The following NCBP2L variants were observed in gnomAD, a reference collection of about 807,000 sequenced individuals.
The protein encoded by NCBP2L is nuclear cap-binding protein subunit 2-like.
For synonymous variants in NCBP2L, 39 were observed against 19.2 expected (o/e 2.04, Z -2.70); for missense variants, 95 against 53.1 (o/e 1.79, Z -2.45).
chrX:107,785,994 G>A (rs1391290686), intron 1 of NCBP2L, among the ~76,000 whole-genome samples: 1 of 111,276 alleles, frequency 9.0e-6, no homozygotes, highest in Non-Finnish European at 1.9e-5. Flanking sequence ...AAAATGGTTT[G>A]TGTTGTCATT....
chrX:107,782,356 T>TATATATAA (rs1930333493), intron 1 of NCBP2L, among the ~76,000 whole-genome samples: 5 of 40,393 alleles, frequency 1.2e-4, no homozygotes, highest in Non-Finnish European at 1.4e-4. Context: ...TATATAAATA[T>TATATATAA]ATATATATAT....
intron 1 of NCBP2L, among the ~76,000 whole-genome samples, chrX:107,780,269 C>T (rs1457124281): frequency 4.5e-5 from 5 of 111,292 alleles, no homozygotes; most frequent in South Asian, 7.6e-4. Flanking sequence ...CACCTGAGCC[C>T]GGGTAGGTTG....
chrX:107,789,943 T>G (rs754779845), intron 1 of NCBP2L, among the ~76,000 whole-genome samples: 3 of 111,123 alleles, frequency 2.7e-5, no homozygotes, highest in African/African-American at 9.8e-5. Flanking sequence ...CACAGACCTC[T>G]CTTGAGAGCT....
intron 1 of NCBP2L, among the ~76,000 whole-genome samples, chrX:107,781,692 C>CTCTCTATA (rs1395038482): frequency 5.7e-4 from 38 of 66,912 alleles, no homozygotes; most frequent in African/African-American, 3.0e-3. Flanking sequence ...CTCTCTCTCT[C>CTCTCTATA]TATATATATA....
chrX:107,782,457 T>C (rs1318859949), intron 1 of NCBP2L, among the ~76,000 whole-genome samples: 1 of 89,842 alleles, frequency 1.1e-5, no homozygotes, highest in Non-Finnish European at 2.1e-5. Flanking sequence ...TATCTTTGTG[T>C]GTGTGTGCGT....
Position 107,795,539 on chromosome X carries a change from A to G in NCBP2L, c.*857A>G, listed in dbSNP as rs1002610575. 9 of 112,302 alleles carry G rather than the reference A, an allele frequency of 8.0e-5. No individual in the cohort carries two copies. The Admixed American group carries it at 8.5e-4, about 11-fold the overall frequency. 9.3% of individuals were successfully genotyped at this position (112,302 alleles called of 1,213,427 possible). The stretch of plus-strand genomic sequence containing the variant: ...TTTCGTTTTTGACTTTCAGTATAGT[A>G]TTCAACAAATTGCATGAGATACTTA... On this transcript the variant is annotated 3_prime_UTR_variant, in exon 2 of 2. Transcript: ENST00000509000.
intron 1 of NCBP2L, among the ~76,000 whole-genome samples, chrX:107,790,625 A>G (rs1401051703): frequency 9.0e-6 from 1 of 111,388 alleles, no homozygotes; most frequent in Non-Finnish European, 1.9e-5. Context: ...CTCTGCCTAG[A>G]ATGACCCCTT....
At chrX:107,791,085 C>G (rs749349933) in intron 1 of NCBP2L, among the ~76,000 whole-genome samples, 1 of 111,886 alleles carries the variant, frequency 8.9e-6, no homozygotes, top group East Asian at 2.8e-4. Flanking sequence ...ACATAGTGCT[C>G]TATAAATGTT....
intron 1 of NCBP2L, among the ~76,000 whole-genome samples, chrX:107,784,807 C>CAAAAAAAAAAA (rs10550955): frequency 2.4e-5 from 1 of 41,085 alleles, no homozygotes. Flanking sequence ...CCCATCTCCA[C>CAAAAAAAAAAA]AAAAAAAAAA....
intron 1 of NCBP2L, among the ~76,000 whole-genome samples, chrX:107,779,987 G>A (rs1389029134): frequency 9.8e-6 from 1 of 101,530 alleles, no homozygotes; most frequent in South Asian, 4.7e-4. Context: ...CTCGTGATCC[G>A]CCCGTCTCGG....
At chrX:107,782,223 AT>A (rs1271248043) in intron 1 of NCBP2L, among the ~76,000 whole-genome samples, 2 of 18,370 alleles carry the variant, frequency 1.1e-4, no homozygotes, top group Non-Finnish European at 1.6e-4. Flanking sequence ...ATATATATAA[AT>A]ATATATATAT....
intron 1 of NCBP2L, among the ~76,000 whole-genome samples, chrX:107,783,411 C>T (rs1270667663): frequency 1.1e-5 from 1 of 94,993 alleles, no homozygotes; most frequent in Non-Finnish European, 2.0e-5. Context: ...CTCACTCTGT[C>T]GCCCAGGCTG....
chrX:107,783,858 A>ATGTGTGTG (rs756413239), intron 1 of NCBP2L, among the ~76,000 whole-genome samples: 2,505 of 96,907 alleles, frequency 0.026, 94 homozygotes, highest in African/African-American at 0.085. Flanking sequence ...TGGTGTGCGT[A>ATGTGTGTG]TGTGTGTGTG....
rs1270623731 is a variant in NCBP2L at position 107,781,646 on chromosome X, TC to T, written c.-73+3789del. Among the ~76,000 whole-genome samples, 4 of 74,194 alleles carry T rather than the reference TC, an allele frequency of 5.4e-5. No homozygotes were observed. In the East Asian group the frequency reaches 1.1e-3, roughly 20 times the overall value. 64.4% of individuals were successfully genotyped at this position (74,194 alleles called of 115,157 possible). A position where few individuals can be genotyped will look rare whatever the true frequency, so the allele number is the denominator to read the frequency against. Reference sequence around the variant, plus strand: ...ATCTATCATTCTATCTATCTATCTATCTATCATCTATCTATCTATCTATCTA... The same window carrying T: ...ATCTATCATTCTATCTATCTATCTATTATCATCTATCTATCTATCTATCTA... On this transcript the variant is annotated intron_variant, in intron 1 of 1. Transcript: ENST00000509000.
chrX:107,785,896 T>A (rs994459468), intron 1 of NCBP2L, among the ~76,000 whole-genome samples: 13 of 110,481 alleles, frequency 1.2e-4, no homozygotes, highest in Non-Finnish European at 1.9e-4. Context: ...AGGGCGATCA[T>A]GTTGGAGAGT....
At chrX:107,778,863 G>A (rs1930227534) in intron 1 of NCBP2L, among the ~76,000 whole-genome samples, 1 of 112,333 alleles carries the variant, frequency 8.9e-6, no homozygotes, top group Non-Finnish European at 1.9e-5. Context: ...TCATGGTCTA[G>A]CTGCAGAAAC....
chrX:107,787,025 A>C (rs1325918413), intron 1 of NCBP2L, among the ~76,000 whole-genome samples: 1 of 111,862 alleles, frequency 8.9e-6, no homozygotes, highest in African/African-American at 3.3e-5. Flanking sequence ...TTTGTTAGGC[A>C]AAAGTTCAAC....
At chrX:107,785,044 AG>A (rs1464573614) in intron 1 of NCBP2L, among the ~76,000 whole-genome samples, 1 of 107,348 alleles carries the variant, frequency 9.3e-6, no homozygotes. Context: ...AAGGAAAGAA[AG>A]AAAGAAGGAA....
intron 1 of NCBP2L, among the ~76,000 whole-genome samples, chrX:107,789,174 CTTTTTTTTT>C (rs760912732): frequency 1.5e-5 from 1 of 67,027 alleles, no homozygotes; most frequent in African/African-American, 6.3e-5. Context: ...GTCCTAACCT[CTTTTTTTTT>C]TTTTTTTTTT....
Sources: allele counts gnomAD v4.1 joint callset (sites outside exome capture counted in the v4.1 genomes callset), GRCh38; gene constraint gnomAD v4.1.1; transcripts MANE v1.5; gene names NCBI Gene and HGNC (gene_info 2026-07-23, HGNC 2026-07-21).